The following CHKA variants were observed in gnomAD, a reference collection of about 807,000 sequenced individuals.
The protein encoded by CHKA is CHETK-alpha.
Under a neutral mutation model 60.1 loss-of-function variants are expected in CHKA, and 34 were observed. The observed-to-expected ratio is 0.57, with a 90% CI of 0.43 to 0.75. The LOEUF is 0.75. Among genes scored for constraint, CHKA ranks in the 30% least tolerant of loss-of-function variants. The probability of loss-of-function intolerance (pLI) is 0.00; values close to 1 mark genes in which losing one functional copy is unlikely to be tolerated. For missense variants in CHKA, 563 were observed against 561.3 expected (o/e 1.00, Z -0.03); for synonymous variants, 217 against 223.1 (o/e 0.97, Z 0.24).
chr11:68,108,159 A>C (rs1419157237), intron 1 of CHKA, among the ~76,000 whole-genome samples: 1 of 152,124 alleles, frequency 6.6e-6, no homozygotes, highest in Non-Finnish European at 1.5e-5. Context: ...TTATTATCTA[A>C]ATTCTACTCC....
chr11:68,098,104 T>C (rs774130297), intron 1 of CHKA, among the ~76,000 whole-genome samples: 14 of 152,042 alleles, frequency 9.2e-5, no homozygotes, highest in Non-Finnish European at 1.3e-4. Flanking sequence ...AAAGCCTGTC[T>C]CTACTAAAAA....
chr11:68,093,482 G>A (rs1030217200), intron 2 of CHKA, among the ~76,000 whole-genome samples: 1 of 152,162 alleles, frequency 6.6e-6, no homozygotes, highest in African/African-American at 2.4e-5. Flanking sequence ...CATTCTATTA[G>A]TTTGGTAAGA....
intron 1 of CHKA, among the ~76,000 whole-genome samples, chr11:68,100,232 C>A (rs1359775185): frequency 6.6e-6 from 1 of 152,152 alleles, no homozygotes; most frequent in Non-Finnish European, 1.5e-5. Flanking sequence ...CAAGGATTTG[C>A]AAGAAGTTTT....
intron 2 of CHKA, among the ~76,000 whole-genome samples, chr11:68,096,748 T>C (rs539710165): frequency 6.6e-6 from 1 of 152,274 alleles, no homozygotes; most frequent in South Asian, 2.1e-4. Flanking sequence ...CAAGCACTAT[T>C]GAAGATTTAA....
At chr11:68,117,159 A>G (rs938173241) in intron 1 of CHKA, among the ~76,000 whole-genome samples, 6 of 152,178 alleles carry the variant, frequency 3.9e-5, no homozygotes, top group Non-Finnish European at 7.3e-5. Flanking sequence ...CAGAGGGGAA[A>G]GAAATTCAGT....
In CHKA at chr11:68,104,074, T is replaced by C. The variant is rs75027214; in HGVS notation, c.351-6944A>G. Among the ~76,000 whole-genome samples the C allele has an allele frequency of 7.8e-4, 119 of 152,246 alleles. No individual in the cohort carries two copies. In the East Asian group the frequency reaches 0.018, roughly 22 times the overall value. On this transcript the variant is annotated intron_variant, in intron 1 of 11. Coordinates refer to ENST00000265689, the MANE Select transcript of CHKA (RefSeq NM_001277.3). ...AGTCACAAAAGCCATCAATTGATTA[T>C]AGAATAAATGTAAGTGTCCATCAAC...
intron 10 of CHKA, among the ~76,000 whole-genome samples, chr11:68,063,690 G>C (rs761388749): frequency 3.2e-4 from 48 of 152,102 alleles, no homozygotes; most frequent in Non-Finnish European, 5.9e-4. Context: ...TGGAGGGAGG[G>C]ACCTGGCAGG....
intron 11 of CHKA, among the ~76,000 whole-genome samples, chr11:68,055,934 G>A (rs193084764): frequency 9.6e-4 from 145 of 151,802 alleles, no homozygotes; most frequent in African/African-American, 3.4e-3. Flanking sequence ...TGTAATCCCA[G>A]CTACTTGGGA....
chr11:68,068,032 G>T (rs571259022), intron 7 of CHKA, among the ~76,000 whole-genome samples: 3 of 152,292 alleles, frequency 2.0e-5, no homozygotes, highest in East Asian at 3.9e-4. Context: ...GCTGCATAGT[G>T]GGGGGCCTCT....
At chr11:68,091,518 A>G (rs2512605) in intron 2 of CHKA, among the ~76,000 whole-genome samples, 3,249 of 152,246 alleles carry the variant, frequency 0.021, 121 homozygotes, top group African/African-American at 0.074. Flanking sequence ...CACAAATACT[A>G]AACAAAAACT....
chr11:68,054,324 CATCCACATGCTT>C (rs1334889750), intron 11 of CHKA, among the ~76,000 whole-genome samples: 1 of 152,218 alleles, frequency 6.6e-6, no homozygotes, highest in African/African-American at 2.4e-5. Context: ...ATGAACGTCT[CATCCACATGCTT>C]AGCACTGCTA....
At position 68,116,673 on chromosome 11, in the gene CHKA, C is replaced by G. The variant is rs200675821; in HGVS notation, c.350+4155G>C. ...CAGAGGTTGCAGTGAGCCGAGATCG[C>G]GCCATTGTGCTCCCGCCTGGGCAAC... On this transcript the variant is annotated intron_variant, in intron 1 of 11. Transcript: ENST00000265689. 4.6e-5 allele frequency among the ~76,000 whole-genome samples: 7 copies of G among 151,078 alleles called. No individual in the cohort carries two copies. In the East Asian group the frequency reaches 1.2e-3, roughly 25 times the overall value.
intron 1 of CHKA, among the ~76,000 whole-genome samples, chr11:68,117,686 A>T (rs1468721746): frequency 6.6e-6 from 1 of 152,202 alleles, no homozygotes; most frequent in Non-Finnish European, 1.5e-5. Flanking sequence ...CAAAAAATAA[A>T]TTTAAAAATA....
intron 4 of CHKA, 47 bp from the exon 5 acceptor site, chr11:68,070,904 A>G (rs1418199617): frequency 1.3e-6 from 2 of 1,576,342 alleles, no homozygotes. Flanking sequence ...CAAGTAAACT[A>G]AAAAGAGTGA....
chr11:68,112,296 CA>C (rs75525762), intron 1 of CHKA, among the ~76,000 whole-genome samples: 152,242 of 152,242 alleles, frequency 1, 76,121 homozygotes, highest in Non-Finnish European at 1. Flanking sequence ...ACTCTTGTCG[CA>C]ACAGTCTGGA....
chr11:68,089,319 G>A (rs941388557), intron 2 of CHKA, among the ~76,000 whole-genome samples: 7 of 152,242 alleles, frequency 4.6e-5, no homozygotes, highest in African/African-American at 1.7e-4. Flanking sequence ...ACACTTTTAC[G>A]GGAAGTGTGC....
At chr11:68,077,366 G>A (rs1163346260) in intron 3 of CHKA, among the ~76,000 whole-genome samples, 5 of 152,186 alleles carry the variant, frequency 3.3e-5, no homozygotes, top group Non-Finnish European at 7.3e-5. Context: ...TATGTCTCCA[G>A]GCACCTTCCT....
At chr11:68,095,708 C>CAA (rs55959031) in intron 2 of CHKA, among the ~76,000 whole-genome samples, 6,970 of 13,132 alleles carry the variant, frequency 0.53, 2,534 homozygotes, top group Middle Eastern at 0.62. Flanking sequence ...GACTCCGTCG[C>CAA]AAAAAAAAAA....
intron 11 of CHKA, among the ~76,000 whole-genome samples, chr11:68,055,843 G>A (rs1348982343): frequency 1.3e-5 from 2 of 151,382 alleles, no homozygotes; most frequent in African/African-American, 4.9e-5. Context: ...TCAGGAGTTC[G>A]AGACCAGCCT....
Sources: gnomAD v4.1 joint callset for allele counts (sites outside exome capture counted in the v4.1 genomes callset) on GRCh38, gnomAD v4.1.1 for gene constraint, MANE v1.5 for transcripts, NCBI Gene and HGNC (gene_info 2026-07-23, HGNC 2026-07-21) for gene names.